The following RCC2 variants were observed in gnomAD, a reference collection of about 807,000 sequenced individuals.
RCC2 encodes protein RCC2.
A neutral mutation model predicts 64.1 loss-of-function variants in RCC2; 19 were observed. The ratio of observed to expected loss-of-function variants is 0.30; its 90% CI spans 0.21 to 0.44. RCC2 has a LOEUF of 0.44. Ranked by LOEUF, RCC2 falls within the 20% of genes least tolerant of loss-of-function variation. RCC2 has a pLI of 1.00. For synonymous variants in RCC2, 325 were observed against 279.6 expected (o/e 1.16, Z -1.62); for missense variants, 508 against 710.4 (o/e 0.72, Z 3.24).
chr1:17,425,465 G>A (rs1444898803), intron 4 of RCC2, 76 bp downstream of exon 4: 3 of 1,412,596 alleles, frequency 2.1e-6, no homozygotes, highest in Admixed American at 5.0e-5. Context: ...TCTTTTCCAG[G>A]CAAACAGAAG....
intron 6 of RCC2, among the ~76,000 whole-genome samples, chr1:17,421,100 C>T (rs1410887401): frequency 6.6e-6 from 1 of 152,188 alleles, no homozygotes; most frequent in Non-Finnish European, 1.5e-5. Flanking sequence ...CCCTCCCTTC[C>T]TTCATCACCT....
intron 2 of RCC2, among the ~76,000 whole-genome samples, chr1:17,434,226 G>A (rs1303508034): frequency 6.6e-6 from 1 of 152,240 alleles, no homozygotes; most frequent in African/African-American, 2.4e-5. Flanking sequence ...GACACTGGCA[G>A]CCCCCAGGCA....
At chr1:17,430,488 CAA>C (rs370012940) in intron 2 of RCC2, among the ~76,000 whole-genome samples, 20 of 128,610 alleles carry the variant, frequency 1.6e-4, no homozygotes, top group Non-Finnish European at 2.2e-4. Flanking sequence ...GGCCTTGTCT[CAA>C]AAAAAAAAAA....
At chr1:17,412,321 C>T (rs759310049) in intron 10 of RCC2, 127 bp from the exon 11 acceptor site, 2 of 761,794 alleles carry the variant, frequency 2.6e-6, no homozygotes, top group Non-Finnish European at 4.4e-6. Flanking sequence ...GTAGCAAACA[C>T]AATAACAGGG....
chr1:17,437,884 C>T (rs549343407), intron 2 of RCC2, among the ~76,000 whole-genome samples: 153 of 140,418 alleles, frequency 1.1e-3, no homozygotes, highest in African/African-American at 3.6e-3. Flanking sequence ...TCCCCTTTCC[C>T]GGGGCGGGGG....
At chr1:17,436,818 C>T (rs1446673923) in intron 2 of RCC2, among the ~76,000 whole-genome samples, 1 of 152,182 alleles carries the variant, frequency 6.6e-6, no homozygotes, top group East Asian at 1.9e-4. Flanking sequence ...TTAGTTTCAT[C>T]CTAACATACT....
chr1:17,422,738 C>T lies in RCC2; in HGVS notation c.622G>A (p.Ala208Thr), dbSNP rs758750748. The T allele has an allele frequency of 3.1e-6, 5 of 1,614,192 alleles. No homozygotes were observed. Among genetic ancestry groups the T allele is most frequent in the South Asian group, 2.2e-5 (2 of 91,080 alleles). The change falls in exon 5 of 13, where the codon GCA becomes ACA. Residue 208 changes from alanine (A) to threonine (T), a missense_variant. By Grantham distance (58) the Ala-to-Thr change is moderately conservative. This residue lies in a region of RCC2 where 132 missense variants were observed against 207.3 expected (regional missense o/e 0.64). Transcript: ENST00000375436. The stretch of plus-strand genomic sequence containing the variant: ...GCCAAGGTGTGGTTCCGCCCACATG[C>T]TGCAGACACAATCACTTCGTGGCTA... ...GLSHEVIVSA[A>T]CGRNHTLALT... is the part of the protein sequence containing the mutation.
chr1:17,422,345 C>T (rs1214399823), intron 5 of RCC2, 54 bp from the exon 6 acceptor site: 2 of 1,475,634 alleles, frequency 1.4e-6, no homozygotes, highest in African/African-American at 2.8e-5. Context: ...ATGTTTTGAA[C>T]TAGATTTAGA....
At chr1:17,421,626 GA>G (rs2075556944) in intron 6 of RCC2, among the ~76,000 whole-genome samples, 2 of 152,262 alleles carry the variant, frequency 1.3e-5, no homozygotes, top group South Asian at 4.2e-4. Flanking sequence ...ACTTTCTTTG[GA>G]ACAGAACAGG....
In RCC2 at chr1:17,438,456, G is replaced by A; in HGVS notation, c.59C>T (p.Thr20Ile). 1.5e-6 allele frequency: 2 copies of A among 1,313,914 alleles called. No individual in the cohort carries two copies. Among genetic ancestry groups the A allele is most frequent in the Non-Finnish European group, 1.9e-6 (2 of 1,035,416 alleles). 81.4% of individuals were successfully genotyped at this position (1,313,914 alleles called of 1,614,324 possible). ...AWEEPSSGNG[T>I]ARAGPRKRGG... is the part of the protein sequence containing the mutation. Reference sequence around the variant, plus strand: ...GCGTTTCCTGGGCCCGGCGCGGGCAGTGCCGTTGCCCGAGCTCGGCTCCTC... The same window carrying A: ...GCGTTTCCTGGGCCCGGCGCGGGCAATGCCGTTGCCCGAGCTCGGCTCCTC... Residue 20 changes from threonine (T) to isoleucine (I), a missense_variant, in exon 2 of 13, where the codon ACT becomes ATT. Coordinates refer to ENST00000375436, the MANE Select transcript of RCC2 (RefSeq NM_018715.4).
At chr1:17,410,743 G>A (rs1212006056) in intron 11 of RCC2, among the ~76,000 whole-genome samples, 1 of 152,082 alleles carries the variant, frequency 6.6e-6, no homozygotes, top group Non-Finnish European at 1.5e-5. Context: ...CTCCTGCCAG[G>A]CCCCACCTCG....
intron 7 of RCC2, among the ~76,000 whole-genome samples, chr1:17,417,953 T>A (rs1040047528): frequency 6.6e-5 from 10 of 152,164 alleles, no homozygotes; most frequent in Non-Finnish European, 1.2e-4. Flanking sequence ...TAGAACTACT[T>A]ACATAACATT....
At chr1:17,430,773 G>C (rs911254138) in intron 2 of RCC2, among the ~76,000 whole-genome samples, 4 of 151,832 alleles carry the variant, frequency 2.6e-5, no homozygotes, top group Admixed American at 6.5e-5. Context: ...TTGCTGCCCA[G>C]GCTGGAGTGC....
rs1425772180 is a variant in RCC2, at chr1:17,431,148, C to T, written c.286-1949G>A. 6.7e-5 allele frequency among the ~76,000 whole-genome samples: 10 copies of T among 149,582 alleles called. No individual in the cohort carries two copies. In the Middle Eastern group the frequency reaches 0.01, roughly 153 times the overall value. ...GAGATAGAGACCATCCTGGCTAGCA[C>T]GGTGAAACCCCATCTCTACTAAAAA... On this transcript the variant is annotated intron_variant, in intron 2 of 12. Coordinates refer to ENST00000375436, the MANE Select transcript of RCC2 (RefSeq NM_018715.4).
At chr1:17,423,466 C>A (rs1289514016) in intron 4 of RCC2, among the ~76,000 whole-genome samples, 1 of 152,216 alleles carries the variant, frequency 6.6e-6, no homozygotes, top group African/African-American at 2.4e-5. Context: ...CCAGCCCCAC[C>A]TCCAGGACTG....
At chr1:17,421,646 A>G (rs1013686092) in intron 6 of RCC2, among the ~76,000 whole-genome samples, 2 of 152,240 alleles carry the variant, frequency 1.3e-5, no homozygotes, top group African/African-American at 4.8e-5. Context: ...GGCTTACGAC[A>G]AGGCATTTCT....
intron 5 of RCC2, 35 bp downstream of exon 5, chr1:17,422,670 A>C: frequency 6.2e-7 from 1 of 1,609,202 alleles, no homozygotes; most frequent in South Asian, 1.1e-5. Flanking sequence ...GCCTCTTGCC[A>C]AACTGAGAGG....
At chr1:17,423,200 C>A (rs1198649015) in intron 4 of RCC2, among the ~76,000 whole-genome samples, 1 of 152,180 alleles carries the variant, frequency 6.6e-6, no homozygotes, top group Non-Finnish European at 1.5e-5. Context: ...ACAACCACCC[C>A]GTCCCTACCC....
intron 2 of RCC2, among the ~76,000 whole-genome samples, chr1:17,437,621 CG>C (rs2075749837): frequency 8.0e-4 from 4 of 4,990 alleles, no homozygotes; most frequent in African/African-American, 3.6e-3. Context: ...AAACAAAGCC[CG>C]AGCACCGCTC....
Sources: allele counts gnomAD v4.1 joint callset (sites outside exome capture counted in the v4.1 genomes callset), GRCh38; gene constraint gnomAD v4.1.1; regional missense constraint gnomAD v4.1.1; transcripts MANE v1.5; gene names NCBI Gene and HGNC (gene_info 2026-07-23, HGNC 2026-07-21).